The following NEGR1 variants were observed in gnomAD, a reference collection of about 807,000 sequenced individuals.
The protein encoded by NEGR1 is neuronal growth regulator 1.
Under a neutral mutation model 40.9 loss-of-function variants are expected in NEGR1, and 10 were observed. That is an observed-to-expected ratio of 0.24 (90% CI 0.15 to 0.42). The LOEUF (loss-of-function observed/expected upper bound fraction) is 0.42. Ranked by LOEUF, NEGR1 falls within the 10% of genes least tolerant of loss-of-function variation. NEGR1 has a pLI of 1.00. For synonymous variants in NEGR1, 185 were observed against 166.8 expected, an observed-to-expected ratio of 1.11 and a Z score of -0.84; for missense variants, 352 against 438.9, an observed-to-expected ratio of 0.80 and a Z score of 1.77.
intron 2 of NEGR1, among the ~76,000 whole-genome samples, chr1:71,837,176 G>A (rs1419279718): frequency 6.6e-6 from 1 of 152,082 alleles, no homozygotes; most frequent in Non-Finnish European, 1.5e-5. Flanking sequence ...CCTGTTTTCA[G>A]ATTGCTTTTG....
intron 3 of NEGR1, among the ~76,000 whole-genome samples, chr1:71,728,979 G>A (rs1399115271): frequency 1.3e-5 from 2 of 152,000 alleles, no homozygotes; most frequent in African/African-American, 4.8e-5. Context: ...TCTGACAGAA[G>A]AACATGATAG....
At chr1:71,527,515 T>C (rs1203687592) in intron 6 of NEGR1, among the ~76,000 whole-genome samples, 3 of 151,504 alleles carry the variant, frequency 2.0e-5, no homozygotes, top group Non-Finnish European at 4.4e-5. Flanking sequence ...AGTAAATAAA[T>C]AGATAAATTA....
At chr1:71,834,129 C>T (rs894548709) in intron 2 of NEGR1, among the ~76,000 whole-genome samples, 2 of 152,080 alleles carry the variant, frequency 1.3e-5, no homozygotes, top group Non-Finnish European at 2.9e-5. Flanking sequence ...AAGCCACCTA[C>T]ATTGATACTG....
intron 2 of NEGR1, among the ~76,000 whole-genome samples, chr1:71,852,378 T>C (rs1158802404): frequency 6.6e-6 from 1 of 152,096 alleles, no homozygotes; most frequent in Non-Finnish European, 1.5e-5. Flanking sequence ...TCTTAAAAGT[T>C]AGAAAATTTA....
At chr1:72,095,304 C>T (rs1648656346) in intron 1 of NEGR1, among the ~76,000 whole-genome samples, 1 of 151,992 alleles carries the variant, frequency 6.6e-6, no homozygotes. Flanking sequence ...TACATATTAC[C>T]TGCTGCCTAA....
intron 1 of NEGR1, among the ~76,000 whole-genome samples, chr1:71,985,137 C>T (rs1012464797): frequency 2.6e-5 from 4 of 152,148 alleles, no homozygotes; most frequent in Non-Finnish European, 5.9e-5. Flanking sequence ...ACATTAATCT[C>T]TGTGAGCTTT....
chr1:71,505,985 T>G (rs1647031711), intron 6 of NEGR1, among the ~76,000 whole-genome samples: 1 of 152,102 alleles, frequency 6.6e-6, no homozygotes, highest in Non-Finnish European at 1.5e-5. Flanking sequence ...GAAAAAAAAG[T>G]TAAATATTTA....
intron 1 of NEGR1, among the ~76,000 whole-genome samples, chr1:72,076,223 T>C (rs1004471896): frequency 3.3e-5 from 5 of 152,070 alleles, no homozygotes; most frequent in Admixed American, 6.6e-5. Context: ...GGGGAGGTGA[T>C]TGTGTCATAA....
chr1:71,723,030 G>GA (rs3077143), intron 3 of NEGR1, among the ~76,000 whole-genome samples: 6,426 of 149,190 alleles, frequency 0.043, 406 homozygotes, highest in African/African-American at 0.15. Context: ...GAAAGTTTCT[G>GA]AAAAAAAAAA....
chr1:71,703,788 A>G (rs1344540092), intron 3 of NEGR1, among the ~76,000 whole-genome samples: 1 of 151,952 alleles, frequency 6.6e-6, no homozygotes, highest in African/African-American at 2.4e-5. Flanking sequence ...CAAGCAAATA[A>G]AAATACAGAG....
At chr1:72,188,633 T>C (rs1199396280) in intron 1 of NEGR1, among the ~76,000 whole-genome samples, 1 of 151,494 alleles carries the variant, frequency 6.6e-6, no homozygotes, top group Non-Finnish European at 1.5e-5. Context: ...TATTTGTAAA[T>C]TGTATACTGT....
chr1:71,657,826 CAGAAA>C (rs1401457855), intron 4 of NEGR1, among the ~76,000 whole-genome samples: 1 of 152,110 alleles, frequency 6.6e-6, no homozygotes, highest in Non-Finnish European at 1.5e-5. Context: ...TTTCATAATA[CAGAAA>C]AGAAATGTTT....
rs1167692524 is a variant in NEGR1 at position 71,405,604 on chromosome 1, A to C, written c.*1842T>G. 1.3e-5 allele frequency: 2 copies of C among 151,930 alleles called. No homozygotes were observed. The highest frequency in any genetic ancestry group is 3.0e-5 in the Non-Finnish European group (2 of 67,754). The allele number at this position is 151,930 out of a possible 1,614,324, so 9.4% of individuals were successfully genotyped here. On this transcript the variant is annotated 3_prime_UTR_variant, in exon 7 of 7. Transcript: ENST00000357731. The stretch of plus-strand genomic sequence containing the variant: ...GCCTTATTATTGCCATTTTGTGGAA[A>C]GAGTATACTTATGTCCCCTCATTTA...
Position 71,611,009 on chromosome 1 carries a change from A to C in NEGR1, c.788+17T>G. Reference sequence around the variant, plus strand: ...CTCAAAGTGCTTAGAACACAGTAATAATCACAAAGTCCTCACTTCTTCTCT... The same window carrying C: ...CTCAAAGTGCTTAGAACACAGTAATCATCACAAAGTCCTCACTTCTTCTCT... On this transcript the variant is annotated intron_variant, in intron 5 of 6. Transcript: ENST00000357731. 6.2e-7 allele frequency: 1 copy of C among 1,612,948 alleles called. No individual in the cohort carries two copies. The highest frequency in any genetic ancestry group is 1.1e-5 in the South Asian group (1 of 91,014).
intron 5 of NEGR1, among the ~76,000 whole-genome samples, chr1:71,595,346 A>G (rs1649660580): frequency 1.3e-5 from 2 of 152,224 alleles, no homozygotes; most frequent in South Asian, 4.1e-4. Flanking sequence ...TGAAATTACT[A>G]GAGAAATCTA....
At chr1:71,886,360 T>C (rs1193437328) in intron 2 of NEGR1, among the ~76,000 whole-genome samples, 1 of 152,002 alleles carries the variant, frequency 6.6e-6, no homozygotes, top group African/African-American at 2.4e-5. Context: ...TCTTCCATAG[T>C]TTTAACCTAG....
chr1:71,535,556 A>G (rs1647486870), intron 6 of NEGR1, among the ~76,000 whole-genome samples: 1 of 151,706 alleles, frequency 6.6e-6, no homozygotes, highest in Non-Finnish European at 1.5e-5. Context: ...TTTTTTCCCC[A>G]CGTAGGCCAA....
At chr1:72,242,319 G>C (rs1372619652) in intron 1 of NEGR1, among the ~76,000 whole-genome samples, 2 of 151,504 alleles carry the variant, frequency 1.3e-5, no homozygotes, top group Non-Finnish European at 3.0e-5. Flanking sequence ...AATTTATTAA[G>C]TCACATAAAT....
intron 3 of NEGR1, among the ~76,000 whole-genome samples, chr1:71,729,815 T>C (rs566088481): frequency 8.5e-4 from 128 of 151,080 alleles, no homozygotes; most frequent in African/African-American, 2.9e-3. Flanking sequence ...TTTTTGTTTT[T>C]TTGTTTTGTT....
Sources: gnomAD v4.1 joint callset for allele counts (sites outside exome capture counted in the v4.1 genomes callset) on GRCh38, gnomAD v4.1.1 for gene constraint, MANE v1.5 for transcripts, NCBI Gene and HGNC (gene_info 2026-07-23, HGNC 2026-07-21) for gene names.